ASIC2: variants seen among roughly 807,000 people sequenced by gnomAD.
ASIC2 encodes the protein acid-sensing ion channel 2.
ASIC2 carries 25 observed loss-of-function variants against 57.3 expected under a neutral mutation model. The observed-to-expected ratio is 0.44, with a 90% CI of 0.32 to 0.61. The LOEUF (loss-of-function observed/expected upper bound fraction) is 0.61, where lower values mean the gene tolerates loss of function less well. ASIC2 is among the 20% of genes least tolerant of loss of function. The pLI is 0.06. For synonymous variants in ASIC2, 319 were observed against 307.5 expected, an observed-to-expected ratio of 1.04 and a Z score of -0.39; for missense variants, 641 against 738.1, an observed-to-expected ratio of 0.87 and a Z score of 1.52.
At chr17:33,979,666 TA>T (rs1905540177) in intron 1 of ASIC2, among the ~76,000 whole-genome samples, 1 of 152,130 alleles carries the variant, frequency 6.6e-6, no homozygotes, top group Non-Finnish European at 1.5e-5. Context: ...TTCCCCTTCT[TA>T]GCATTCTGCA....
intron 1 of ASIC2, among the ~76,000 whole-genome samples, chr17:33,950,549 C>G (rs1262717371): frequency 2.6e-5 from 4 of 152,226 alleles, no homozygotes; most frequent in Non-Finnish European, 5.9e-5. Flanking sequence ...GGAGATGGGG[C>G]AGCAATGAGT....
At chr17:33,428,058 C>A (rs114143619) in intron 1 of ASIC2, among the ~76,000 whole-genome samples, 1 of 152,208 alleles carries the variant, frequency 6.6e-6, no homozygotes, top group Admixed American at 6.5e-5. Flanking sequence ...GGAAAGAGAT[C>A]TTCCAGCCTC....
chr17:33,628,451 C>G (rs1380214305), intron 1 of ASIC2, among the ~76,000 whole-genome samples: 7 of 151,738 alleles, frequency 4.6e-5, no homozygotes, highest in Non-Finnish European at 1.0e-4. Context: ...GCCACCATGC[C>G]TGGCTAGTTT....
intron 1 of ASIC2, among the ~76,000 whole-genome samples, chr17:33,776,660 C>G (rs937576964): frequency 3.9e-5 from 6 of 152,140 alleles, no homozygotes; most frequent in African/African-American, 1.4e-4. Context: ...CAAGCAAACA[C>G]ACAAAGGCCG....
At chr17:33,840,131 T>C (rs1049907425) in intron 1 of ASIC2, among the ~76,000 whole-genome samples, 1 of 152,244 alleles carries the variant, frequency 6.6e-6, no homozygotes. Context: ...TTCTGGCTTA[T>C]ATATTTGTTC....
chr17:34,127,241 G>A (rs896521045), intron 1 of ASIC2, among the ~76,000 whole-genome samples: 32 of 152,194 alleles, frequency 2.1e-4, no homozygotes, highest in African/African-American at 7.7e-4. Flanking sequence ...TAGAAATGAG[G>A]ACTTCCTATC....
chr17:33,554,358 A>ATGTG (rs71144888), intron 1 of ASIC2, among the ~76,000 whole-genome samples: 111 of 150,254 alleles, frequency 7.4e-4, no homozygotes, highest in Middle Eastern at 3.4e-3. Context: ...CACTGCTTAT[A>ATGTG]TGTGTGTGTG....
At chr17:33,078,505 C>T (rs1476426133) in intron 3 of ASIC2, among the ~76,000 whole-genome samples, 1 of 152,170 alleles carries the variant, frequency 6.6e-6, no homozygotes. Context: ...ATATTCGATC[C>T]ATCCTTCATT....
intron 1 of ASIC2, among the ~76,000 whole-genome samples, chr17:33,150,680 C>G (rs1036619646): frequency 2.1e-5 from 3 of 141,966 alleles, no homozygotes; most frequent in Non-Finnish European, 3.0e-5. Context: ...GAAACCCTGT[C>G]TCTACTAAAA....
At chr17:33,817,810 A>T (rs917581091) in intron 1 of ASIC2, among the ~76,000 whole-genome samples, 1 of 152,178 alleles carries the variant, frequency 6.6e-6, no homozygotes, top group Non-Finnish European at 1.5e-5. Flanking sequence ...TGCTCTAGTC[A>T]GCATCAACGG....
chr17:34,009,042 G>A (rs1297762307), intron 1 of ASIC2, among the ~76,000 whole-genome samples: 2 of 151,916 alleles, frequency 1.3e-5, no homozygotes, highest in Non-Finnish European at 2.9e-5. Context: ...TTGAGACAGA[G>A]ATTTGTTAAA....
At chr17:33,956,226 G>A (rs982174205) in intron 1 of ASIC2, among the ~76,000 whole-genome samples, 1 of 152,216 alleles carries the variant, frequency 6.6e-6, no homozygotes, top group Admixed American at 6.5e-5. Context: ...CGCTGGGAAA[G>A]CGCTCTTGAA....
intron 1 of ASIC2, among the ~76,000 whole-genome samples, chr17:33,831,408 T>C (rs1430323633): frequency 6.6e-6 from 1 of 152,100 alleles, no homozygotes; most frequent in Non-Finnish European, 1.5e-5. Context: ...ACAGTATCAC[T>C]GAGTTCCTGC....
At chr17:33,425,549 A>T (rs1302530541) in intron 1 of ASIC2, among the ~76,000 whole-genome samples, 1 of 152,106 alleles carries the variant, frequency 6.6e-6, no homozygotes, top group Non-Finnish European at 1.5e-5. Flanking sequence ...CAGAGGATGG[A>T]GGGATTGATT....
intron 1 of ASIC2, among the ~76,000 whole-genome samples, chr17:34,101,709 A>AC (rs1479850075): frequency 6.6e-6 from 1 of 152,210 alleles, no homozygotes; most frequent in African/African-American, 2.4e-5. Flanking sequence ...TATAAACAAT[A>AC]TGTAAGTCTC....
intron 1 of ASIC2, among the ~76,000 whole-genome samples, chr17:33,746,419 G>T (rs1910267410): frequency 7.0e-6 from 1 of 142,520 alleles, no homozygotes. Flanking sequence ...TATATCTGTA[G>T]ATACGTATAT....
At chr17:33,608,649 C>G (rs533664355) in intron 1 of ASIC2, among the ~76,000 whole-genome samples, 1 of 152,164 alleles carries the variant, frequency 6.6e-6, no homozygotes, top group East Asian at 1.9e-4. Flanking sequence ...TCTCTGGGCA[C>G]CAGTTGAGAA....
At chr17:34,131,801 G>A (rs1377364034) in intron 1 of ASIC2, among the ~76,000 whole-genome samples, 2 of 152,158 alleles carry the variant, frequency 1.3e-5, no homozygotes, top group Non-Finnish European at 2.9e-5. Context: ...GTCCAAATGG[G>A]ACCAGATAAA....
chr17:33,418,260 T>C (rs140680428), intron 1 of ASIC2, among the ~76,000 whole-genome samples: 255 of 152,296 alleles, frequency 1.7e-3, no homozygotes, highest in Admixed American at 4.5e-3. Flanking sequence ...ATACCACCTG[T>C]GTAGCACCAA....
Sources: gnomAD v4.1 joint callset for allele counts (sites outside exome capture counted in the v4.1 genomes callset) on GRCh38, gnomAD v4.1.1 for gene constraint, MANE v1.5 for transcripts, NCBI Gene and HGNC (gene_info 2026-07-23, HGNC 2026-07-21) for gene names.